UGT2B4: variants seen among roughly 807,000 people sequenced by gnomAD.
UGT2B4 encodes UDP-glucuronosyltransferase 2B4.
In UGT2B4, 49 loss-of-function variants were observed where a neutral mutation model predicts 49.8. The ratio of observed to expected loss-of-function variants is 0.98; its 90% CI spans 0.78 to 1.25. The LOEUF (loss-of-function observed/expected upper bound fraction) is 1.25, where lower values mean the gene tolerates loss of function less well. UGT2B4 is among the 50% of genes most tolerant of loss of function. The pLI, the probability that UGT2B4 is intolerant of heterozygous loss-of-function variation, is 0.00. For synonymous variants in UGT2B4, 246 were observed against 217.7 expected, an observed-to-expected ratio of 1.13 and a Z score of -1.14; for missense variants, 729 against 627.7, an observed-to-expected ratio of 1.16 and a Z score of -1.73.
chr4:69,507,896 G>T (rs896099283), intron 1 of UGT2B4, among the ~76,000 whole-genome samples: 1 of 152,096 alleles, frequency 6.6e-6, no homozygotes, highest in Non-Finnish European at 1.5e-5. Flanking sequence ...CACAGCAAAA[G>T]AAAATATCAA....
At chr4:69,511,308 G>T (rs1728597632) in intron 1 of UGT2B4, among the ~76,000 whole-genome samples, 1 of 151,880 alleles carries the variant, frequency 6.6e-6, no homozygotes, top group South Asian at 2.1e-4. Flanking sequence ...TTATTTTAAG[G>T]TAATTTCCTT....
At chr4:69,524,506 AACAATT>A (rs1728927333) in intron 1 of UGT2B4, among the ~76,000 whole-genome samples, 1 of 152,156 alleles carries the variant, frequency 6.6e-6, no homozygotes. Flanking sequence ...GACACCCACA[AACAATT>A]ACAATAGTAA....
chr4:69,484,192 G>C (rs1039592346), intron 5 of UGT2B4, among the ~76,000 whole-genome samples: 2 of 152,008 alleles, frequency 1.3e-5, no homozygotes, highest in African/African-American at 4.8e-5. Context: ...GAACCCTCCT[G>C]TACTGCTGGT....
chr4:69,485,712 C>T (rs1354017479), intron 4 of UGT2B4, among the ~76,000 whole-genome samples: 18 of 152,122 alleles, frequency 1.2e-4, no homozygotes, highest in Admixed American at 9.2e-4. Context: ...AGAAAAAAAG[C>T]ACAGAAAAGG....
At chr4:69,483,618 C>T (rs191338894) in intron 5 of UGT2B4, among the ~76,000 whole-genome samples, 2 of 151,866 alleles carry the variant, frequency 1.3e-5, no homozygotes, top group Non-Finnish European at 2.9e-5. Context: ...GTAGCTTTAT[C>T]ATTCATTATC....
At chr4:69,519,664 G>T (rs185328791) in intron 1 of UGT2B4, among the ~76,000 whole-genome samples, 3 of 146,944 alleles carry the variant, frequency 2.0e-5, no homozygotes, top group Non-Finnish European at 3.0e-5. Flanking sequence ...TTTCTCACTA[G>T]GGTCTTCTTT....
intron 5 of UGT2B4, among the ~76,000 whole-genome samples, chr4:69,482,356 A>T (rs1727618710): frequency 6.6e-6 from 1 of 152,216 alleles, no homozygotes; most frequent in South Asian, 2.1e-4. Flanking sequence ...AAAACACATA[A>T]CATAAGTGTA....
rs1465046619 is a variant in UGT2B4, at chr4:69,495,153, T to C, written c.709A>G (p.Ser237Gly). The C allele has an allele frequency of 9.0e-6, 14 of 1,560,084 alleles. No individual in the cohort carries two copies. The highest frequency in any genetic ancestry group is 2.0e-5 in the Admixed American group (1 of 49,282). Residue 237 changes from serine to glycine, a missense_variant, in exon 1 of 6, where the codon AGT becomes GGT. Ser to Gly is a moderately conservative substitution (Grantham distance 56, BLOSUM62 0). Transcript: ENST00000305107. ...FDMKKWDQFY[S>G]EVLGRPTTLS... is the part of the protein sequence containing the mutation. Reference sequence around the variant, plus strand: ...AAAAGTTACTTACCTAGAACTTCACTGTAGAACTGATCCCACTTCTTCATG... The same window carrying C: ...AAAAGTTACTTACCTAGAACTTCACCGTAGAACTGATCCCACTTCTTCATG...
chr4:69,520,361 C>T (rs563159446), intron 1 of UGT2B4, among the ~76,000 whole-genome samples: 1 of 152,342 alleles, frequency 6.6e-6, no homozygotes, highest in East Asian at 1.9e-4. Context: ...AGGCTGCATG[C>T]TCCACGGACT....
In UGT2B4 at chr4:69,523,619, A is replaced by C. The variant is rs116559899; in HGVS notation, c.-106+2068T>G. On this transcript the variant is annotated intron_variant, in intron 1 of 1. Coordinates refer to the UGT2B4 transcript ENST00000510114. ...CAAAGCAGATTTATCATAATTCTCA[A>C]GGGCTGTTAGATTTCCTGATAAATA... is the stretch of plus-strand genomic sequence containing the variant. Among the ~76,000 whole-genome samples the C allele has an allele frequency of 4.3e-3, 654 of 152,212 alleles. 6 individuals are homozygous for C. Among genetic ancestry groups the C allele is most frequent in the African/African-American group, 0.014 (562 of 41,582 alleles).
chr4:69,502,278 AC>A (rs1270075797), intron 1 of UGT2B4, among the ~76,000 whole-genome samples: 16 of 151,804 alleles, frequency 1.1e-4, no homozygotes, highest in African/African-American at 3.9e-4. Context: ...AAGGTTTGTT[AC>A]ATAGGTAAAT....
rs1052416994 is a variant in UGT2B4, at chr4:69,491,309, A to G, written c.871-1739T>C. Among the ~76,000 whole-genome samples the G allele has an allele frequency of 3.3e-4, 50 of 151,978 alleles. 1 individual carries two copies. The highest frequency in any genetic ancestry group is 8.8e-5 in the Non-Finnish European group (6 of 67,968). On this transcript the variant is annotated intron_variant, in intron 2 of 5. Transcript: ENST00000305107. Reference sequence around the variant, plus strand: ...TGTAATGCTATAGTATGCATCTAGTATATGTTTTTAATTATTCCTTAATTT... The same window carrying G: ...TGTAATGCTATAGTATGCATCTAGTGTATGTTTTTAATTATTCCTTAATTT...
chr4:69,480,336 A>AT lies in UGT2B4; in HGVS notation c.*297dup, dbSNP rs1727544737. The AT allele has an allele frequency of 2.8e-5, 8 of 289,436 alleles. No individual in the cohort carries two copies. The highest frequency in any genetic ancestry group is 3.9e-5 in the Non-Finnish European group (6 of 154,934). The allele number at this position is 289,436 out of a possible 1,614,324, so 17.9% of individuals were successfully genotyped here. A position where few individuals can be genotyped will look rare whatever the true frequency, so the allele number is the denominator to read the frequency against. On this transcript the variant is annotated 3_prime_UTR_variant, in exon 6 of 6. Coordinates refer to ENST00000305107, the MANE Select transcript of UGT2B4 (RefSeq NM_021139.3). ...TGTGACATGTAGTTAAGCTTAGTAA[A>AT]TTTTTTTTCATGTAACCTGTGAATT...
chr4:69,491,176 C>A (rs1339955719), intron 2 of UGT2B4, among the ~76,000 whole-genome samples: 1 of 146,012 alleles, frequency 6.8e-6, no homozygotes, highest in Non-Finnish European at 1.6e-5. Context: ...ATTGTATATA[C>A]CTTTTCCTCC....
chr4:69,503,034 T>C (rs1364247437), intron 1 of UGT2B4, among the ~76,000 whole-genome samples: 1 of 152,164 alleles, frequency 6.6e-6, no homozygotes, highest in Admixed American at 6.5e-5. Flanking sequence ...CCAGCTGATG[T>C]GAAGCCAAGA....
At chr4:69,521,889 C>T (rs1052787539) in intron 1 of UGT2B4, among the ~76,000 whole-genome samples, 3 of 152,178 alleles carry the variant, frequency 2.0e-5, no homozygotes, top group Non-Finnish European at 4.4e-5. Flanking sequence ...TACCCATCAT[C>T]ACAGAAATTT....
intron 1 of UGT2B4, among the ~76,000 whole-genome samples, chr4:69,511,703 C>A (rs1728608582): frequency 2.0e-5 from 3 of 151,970 alleles, no homozygotes; most frequent in Admixed American, 1.3e-4. Context: ...TTGAAAGTAT[C>A]TTTTTCTTTT....
chr4:69,515,027 G>A (rs923655236), intron 1 of UGT2B4, among the ~76,000 whole-genome samples: 8 of 152,226 alleles, frequency 5.3e-5, no homozygotes, highest in South Asian at 2.1e-4. Flanking sequence ...AATAAAGTAC[G>A]TGTTAGAGAC....
intron 1 of UGT2B4, among the ~76,000 whole-genome samples, chr4:69,510,987 C>CTTTTTTTT: frequency 1.1e-5 from 1 of 88,088 alleles, no homozygotes; most frequent in Middle Eastern, 8.8e-3. Flanking sequence ...CTTTTCTTTT[C>CTTTTTTTT]TTCTTTTTTT....
Sources: allele counts gnomAD v4.1 joint callset (sites outside exome capture counted in the v4.1 genomes callset), GRCh38; gene constraint gnomAD v4.1.1; transcripts MANE v1.5; gene names NCBI Gene and HGNC (gene_info 2026-07-23, HGNC 2026-07-21).